Variants in RGL1 observed in about 807,000 individuals in gnomAD.
RGL1 encodes the protein ral guanine nucleotide dissociation stimulator like 1, also known as ral guanine nucleotide dissociation stimulator-like 1.
In RGL1, 24 loss-of-function variants were observed where a neutral mutation model predicts 95.2. The ratio of observed to expected loss-of-function variants is 0.25; its 90% CI spans 0.18 to 0.35. The LOEUF is 0.35. RGL1 is among the 10% of genes least tolerant of loss of function. The pLI is 1.00. For synonymous variants in RGL1, 329 were observed against 344.9 expected (o/e 0.95, Z 0.51); for missense variants, 715 against 936.3 (o/e 0.76, Z 3.08).
chr1:183,913,182 CTTTTTTTT>C (rs537751695), intron 15 of RGL1, among the ~76,000 whole-genome samples: 1,127 of 68,184 alleles, frequency 0.017, 2 homozygotes, highest in South Asian at 0.024. Flanking sequence ...GACCAGTCTT[CTTTTTTTT>C]TTTTTTTTTT....
At chr1:183,680,199 G>T (rs766175733) in intron 1 of RGL1, among the ~76,000 whole-genome samples, 3 of 151,850 alleles carry the variant, frequency 2.0e-5, no homozygotes, top group Admixed American at 2.0e-4. Context: ...TTTTTTTGCT[G>T]TCCAGAAGCT....
intron 7 of RGL1, among the ~76,000 whole-genome samples, chr1:183,885,249 G>T (rs1385987414): frequency 6.6e-6 from 1 of 152,204 alleles, no homozygotes; most frequent in African/African-American, 2.4e-5. Flanking sequence ...CGACAAGACT[G>T]AGTGTTGGTT....
chr1:183,696,067 C>T (rs12090566), intron 1 of RGL1, among the ~76,000 whole-genome samples: 3,269 of 152,228 alleles, frequency 0.021, 105 homozygotes, highest in African/African-American at 0.066. Context: ...TTCCTCTTCT[C>T]TCCTAAGCCC....
chr1:183,651,742 G>A (rs184077936), intron 1 of RGL1, among the ~76,000 whole-genome samples: 1 of 152,260 alleles, frequency 6.6e-6, no homozygotes, highest in Non-Finnish European at 1.5e-5. Flanking sequence ...CTGAATTCCT[G>A]CCTTGAGGCT....
intron 10 of RGL1, 121 bp from the exon 11 acceptor site, chr1:183,900,029 G>T (rs1667926767): frequency 1.5e-6 from 1 of 653,530 alleles, no homozygotes; most frequent in African/African-American, 1.8e-5. Context: ...ATTCATGGAG[G>T]TTAGCACCAC....
intron 1 of RGL1, among the ~76,000 whole-genome samples, chr1:183,665,706 T>C (rs2102037697): frequency 6.6e-6 from 1 of 152,330 alleles, no homozygotes. Context: ...CCTTTTAATG[T>C]CTGTGAGATC....
chr1:183,806,577 T>A, intron 2 of RGL1, 92 bp downstream of exon 2: 2 of 857,634 alleles, frequency 2.3e-6, no homozygotes, highest in Admixed American at 5.3e-5. Context: ...AGGCTTTTTT[T>A]TTTTTCCTCT....
At chr1:183,802,398 C>T (rs1291525637), upstream of RGL1, among the ~76,000 whole-genome samples, 1 of 152,028 alleles carries the variant, frequency 6.6e-6, no homozygotes, top group Non-Finnish European at 1.5e-5. Flanking sequence ...TCTTCTTTTT[C>T]AAGATTGCTT....
At chr1:183,701,058 A>T (rs528417383) in intron 1 of RGL1, among the ~76,000 whole-genome samples, 1 of 152,276 alleles carries the variant, frequency 6.6e-6, no homozygotes, top group South Asian at 2.1e-4. Context: ...TTCCAGCTTC[A>T]TCCATGTCCC....
chr1:183,844,051 C>T (rs1238902479), intron 2 of RGL1, among the ~76,000 whole-genome samples: 1 of 152,148 alleles, frequency 6.6e-6, no homozygotes, highest in Non-Finnish European at 1.5e-5. Flanking sequence ...TTCTTGAACT[C>T]CTGACCTCAG....
chr1:183,809,460 A>G (rs1661553372), intron 2 of RGL1, among the ~76,000 whole-genome samples: 2 of 152,360 alleles, frequency 1.3e-5, no homozygotes, highest in Non-Finnish European at 2.9e-5. Flanking sequence ...GTGCAGCTGC[A>G]TCCTTGCCCA....
At chr1:183,683,724 T>G (rs1465581276) in intron 1 of RGL1, among the ~76,000 whole-genome samples, 1 of 152,222 alleles carries the variant, frequency 6.6e-6, no homozygotes, top group Non-Finnish European at 1.5e-5. Flanking sequence ...CTTGCTAGTT[T>G]GGGGAAGTTC....
chr1:183,916,578 T>C lies in RGL1; in HGVS notation c.1881T>C (p.Ser627=). 1 of 1,613,868 alleles carries C rather than the reference T, an allele frequency of 6.2e-7. No individual in the cohort carries two copies. Among genetic ancestry groups the C allele is most frequent in the Admixed American group, 1.7e-5 (1 of 60,000 alleles). ...ACAACCCCAAAATCCACAAGCGCTC[T>C]GTCTCGGTGACGTCCATTACCTCGA... ...CNNNPKIHKR[S]VSVTSITSTV... is the part of the protein sequence containing the mutation. Residue 627 remains serine, a synonymous_variant, in exon 16 of 18, where the codon TCT becomes TCC. Transcript: ENST00000360851.
At chr1:183,663,212 G>C (rs574001727) in intron 1 of RGL1, among the ~76,000 whole-genome samples, 59 of 152,102 alleles carry the variant, frequency 3.9e-4, no homozygotes, top group African/African-American at 1.3e-3. Flanking sequence ...ATTGACAAAT[G>C]GGATCTAATT....
At chr1:183,693,099 C>T (rs1201375646) in intron 1 of RGL1, among the ~76,000 whole-genome samples, 2 of 151,828 alleles carry the variant, frequency 1.3e-5, no homozygotes, top group African/African-American at 4.9e-5. Context: ...GGACTGCAGG[C>T]GTGTGCCACC....
rs565929495 is a variant in RGL1 at position 183,662,353 on chromosome 1, T to C, written c.-33+25852T>C. 4.6e-3 allele frequency among the ~76,000 whole-genome samples: 701 copies of C among 151,944 alleles called. 8 individuals carry two copies. Among genetic ancestry groups the C allele is most frequent in the African/African-American group, 0.016 (664 of 41,270 alleles). ...AAATCTCCTTAAGCTGATAAGCAAC[T>C]TCAGCAAAGTCTCAGGATACAAAAT... On this transcript the variant is annotated intron_variant, in intron 1 of 18. Transcript: ENST00000304685.
rs527947413 is a variant in RGL1, at chr1:183,667,539, G to A, written c.-33+31038G>A. On this transcript the variant is annotated intron_variant, in intron 1 of 18. Coordinates refer to the RGL1 transcript ENST00000304685. The stretch of plus-strand genomic sequence containing the variant: ...CGGGGTTTCTTCATGGTGGTCAGGC[G>A]TGTCTCTAACTCCCAACCTCAGGTG... 6.6e-5 allele frequency among the ~76,000 whole-genome samples: 10 copies of A among 151,888 alleles called. No individual in the cohort carries two copies. In the East Asian group the frequency reaches 1.2e-3, roughly 18 times the overall value.
chr1:183,832,504 CAGAAAG>C (rs1663329105), intron 2 of RGL1, among the ~76,000 whole-genome samples: 1 of 151,926 alleles, frequency 6.6e-6, no homozygotes, highest in Admixed American at 6.6e-5. Flanking sequence ...GTGGGATGAC[CAGAAAG>C]AGTATAGAAA....
At chr1:183,802,708 T>C (rs998597466), upstream of RGL1, among the ~76,000 whole-genome samples, 5 of 150,264 alleles carry the variant, frequency 3.3e-5, no homozygotes, top group East Asian at 9.8e-4. Flanking sequence ...AATCTAAAAG[T>C]GAAATTTACA....
Sources: allele counts gnomAD v4.1 joint callset (sites outside exome capture counted in the v4.1 genomes callset), GRCh38; gene constraint gnomAD v4.1.1; transcripts MANE v1.5; gene names NCBI Gene and HGNC (gene_info 2026-07-23, HGNC 2026-07-21).